PATJ: variants seen among roughly 807,000 people sequenced by gnomAD.
The protein encoded by PATJ is PATJ crumbs cell polarity complex component.
In PATJ, 190 loss-of-function variants were observed where a neutral mutation model predicts 224.9. The ratio of observed to expected loss-of-function variants is 0.84; its 90% CI spans 0.75 to 0.95. The LOEUF is 0.95. PATJ is among the 40% of genes least tolerant of loss of function. PATJ has a pLI of 0.00. For missense variants in PATJ, 2,121 were observed against 2,270.3 expected (o/e 0.93, Z 1.34); for synonymous variants, 769 against 820.3 (o/e 0.94, Z 1.07).
At chr1:61,777,385 CA>C (rs150348087) in intron 7 of PATJ, among the ~76,000 whole-genome samples, 1 of 152,022 alleles carries the variant, frequency 6.6e-6, no homozygotes, top group African/African-American at 2.4e-5. Context: ...TGCAATATGG[CA>C]AAACCCTGTC....
chr1:61,822,903 T>G lies in PATJ; in HGVS notation c.1684-42T>G, dbSNP rs768548452. 33 of 1,610,644 alleles carry G rather than the reference T, an allele frequency of 2.0e-5. 1 individual carries two copies. The Middle Eastern group carries it at 4.9e-4, about 24-fold the overall frequency. On this transcript the variant is annotated intron_variant, in intron 14 of 43. Transcript: ENST00000642238. ...TGGATGGAGGATGAATAGCCGGATG[T>G]GTCATTGTCATGTTTGATCATTGCT... is the stretch of plus-strand genomic sequence containing the variant.
chr1:61,773,244 G>A (rs889182612), intron 6 of PATJ, among the ~76,000 whole-genome samples: 14 of 151,942 alleles, frequency 9.2e-5, no homozygotes, highest in African/African-American at 3.1e-4. Flanking sequence ...GGCTGGTCTC[G>A]AACTCCTGAC....
intron 27 of PATJ, among the ~76,000 whole-genome samples, chr1:61,930,142 TG>T (rs1675807434): frequency 6.6e-6 from 1 of 152,230 alleles, no homozygotes; most frequent in Admixed American, 6.5e-5. Flanking sequence ...TCATTCATTT[TG>T]CTTCCTAATT....
At chr1:61,750,104 C>T (rs189983787) in intron 1 of PATJ, among the ~76,000 whole-genome samples, 1 of 152,310 alleles carries the variant, frequency 6.6e-6, no homozygotes, top group Admixed American at 6.5e-5. Flanking sequence ...AAGAATTTCA[C>T]ATTTGAATTT....
At chr1:61,849,685 A>G (rs1294065109) in intron 17 of PATJ, among the ~76,000 whole-genome samples, 2 of 152,234 alleles carry the variant, frequency 1.3e-5, no homozygotes, top group African/African-American at 4.8e-5. Context: ...GTTGACAGTA[A>G]GAGTCAAAAT....
At chr1:61,862,993 A>T (rs953182178) in intron 19 of PATJ, among the ~76,000 whole-genome samples, 17 of 146,264 alleles carry the variant, frequency 1.2e-4, no homozygotes, top group East Asian at 2.0e-4. Flanking sequence ...TAACCACATT[A>T]AAAAAAAAAT....
Position 61,818,294 on chromosome 1 carries a change from C to G in PATJ, c.1684-4651C>G, listed in dbSNP as rs114740129. On this transcript the variant is annotated intron_variant, in intron 14 of 43. Transcript: ENST00000642238. ...TACTTATATCAGGATCATGAAAATCCTGTTGCTCATTAACTTTGTCAGTTT... is the reference window on the plus strand; with the variant it reads ...TACTTATATCAGGATCATGAAAATCGTGTTGCTCATTAACTTTGTCAGTTT... Among the ~76,000 whole-genome samples the G allele has an allele frequency of 9.8e-3, 1,498 of 152,280 alleles. 23 individuals are homozygous for G. The highest frequency in any genetic ancestry group is 0.034 in the African/African-American group (1,410 of 41,558).
chr1:61,829,293 T>A (rs898071680), intron 16 of PATJ, among the ~76,000 whole-genome samples: 3 of 152,302 alleles, frequency 2.0e-5, no homozygotes, highest in Non-Finnish European at 4.4e-5. Context: ...GACTCTTTTT[T>A]AAAAAAATGT....
chr1:62,060,984 G>A (rs886222706), intron 31 of PATJ, among the ~76,000 whole-genome samples: 3 of 151,888 alleles, frequency 2.0e-5, no homozygotes, highest in Admixed American at 6.6e-5. Context: ...GAGCCACCAC[G>A]CCCAGCCATT....
chr1:61,788,054 A>G, intron 8 of PATJ, 82 bp downstream of exon 8: 2 of 1,126,500 alleles, frequency 1.8e-6, no homozygotes, highest in Non-Finnish European at 2.6e-6. Flanking sequence ...TTCAACTTGA[A>G]GCACCACATT....
At chr1:62,068,788 T>C (rs1256156316) in intron 31 of PATJ, among the ~76,000 whole-genome samples, 1 of 152,250 alleles carries the variant, frequency 6.6e-6, no homozygotes, top group Non-Finnish European at 1.5e-5. Flanking sequence ...AAGCATTTTC[T>C]TTCAGAGCTC....
chr1:61,804,164 G>A (rs1224895347), intron 12 of PATJ, among the ~76,000 whole-genome samples: 2 of 152,128 alleles, frequency 1.3e-5, no homozygotes, highest in Non-Finnish European at 2.9e-5. Context: ...AGAAATTTAT[G>A]AGGCAAGATG....
chr1:62,075,204 C>A (rs1658089766), intron 31 of PATJ, among the ~76,000 whole-genome samples: 1 of 152,124 alleles, frequency 6.6e-6, no homozygotes, highest in African/African-American at 2.4e-5. Context: ...CAGTGGGCAT[C>A]ATCTGCAGTG....
At chr1:61,982,665 T>C (rs1245682659) in intron 27 of PATJ, among the ~76,000 whole-genome samples, 5 of 148,474 alleles carry the variant, frequency 3.4e-5, no homozygotes, top group Non-Finnish European at 7.4e-5. Context: ...ATTGGAGAAT[T>C]TTATACATGA....
At chr1:61,971,943 C>A (rs889005425) in intron 27 of PATJ, among the ~76,000 whole-genome samples, 1 of 150,610 alleles carries the variant, frequency 6.6e-6, no homozygotes, top group Non-Finnish European at 1.5e-5. Flanking sequence ...GAGCCATGAC[C>A]ATACCACTGC....
chr1:61,939,046 C>A (rs1433026732), intron 27 of PATJ, among the ~76,000 whole-genome samples: 7 of 145,096 alleles, frequency 4.8e-5, no homozygotes, highest in African/African-American at 1.8e-4. Flanking sequence ...TCGCTTGAAC[C>A]CAGGAGGCGG....
intron 23 of PATJ, among the ~76,000 whole-genome samples, chr1:61,900,324 T>G (rs1476458788): frequency 6.6e-6 from 1 of 152,194 alleles, no homozygotes; most frequent in Non-Finnish European, 1.5e-5. Flanking sequence ...ATGAGTTAAT[T>G]ATTGGCTGCA....
chr1:61,933,408 C>T (rs1276200587), intron 27 of PATJ, among the ~76,000 whole-genome samples: 4 of 151,696 alleles, frequency 2.6e-5, no homozygotes, highest in East Asian at 1.9e-4. Context: ...GGCGTAGTGG[C>T]GGGCTCCTTG....
intron 7 of PATJ, among the ~76,000 whole-genome samples, chr1:61,777,703 C>CTTTCTTT (rs1415203243): frequency 6.2e-5 from 3 of 48,744 alleles, no homozygotes; most frequent in African/African-American, 2.1e-4. Context: ...TTCTTTCTTT[C>CTTTCTTT]TTTTTTTTTT....
Sources: gnomAD v4.1 joint callset for allele counts (sites outside exome capture counted in the v4.1 genomes callset) on GRCh38, gnomAD v4.1.1 for gene constraint, MANE v1.5 for transcripts, NCBI Gene and HGNC (gene_info 2026-07-23, HGNC 2026-07-21) for gene names.